Variants in SLC35D4 observed in about 807,000 individuals in gnomAD.
SLC35D4 encodes solute carrier family 35 member D4.
At chr18:23,256,891 C>T in the SLC35D4 span, among the ~76,000 whole-genome samples, 1 of 152,234 alleles carries the variant, frequency 6.6e-6, no homozygotes. Context: ...ACACATGTGA[C>T]CCTGGCTAAG....
At chr18:23,420,266 G>T in the SLC35D4 span, among the ~76,000 whole-genome samples, 2 of 152,128 alleles carry the variant, frequency 1.3e-5, no homozygotes, top group African/African-American at 4.8e-5. Flanking sequence ...TTGCGCCATT[G>T]CACTCCAGCC....
chr18:23,352,434 G>T, the SLC35D4 span: 1 of 546,698 alleles, frequency 1.8e-6, no homozygotes, highest in Non-Finnish European at 2.9e-6. Context: ...GTGATCTCTG[G>T]ATGAAAATAA....
the SLC35D4 span, among the ~76,000 whole-genome samples, chr18:23,411,481 GATAGAAAGAAAGAAAGAAAGAA>G: frequency 8.2e-6 from 1 of 121,732 alleles, no homozygotes; most frequent in Non-Finnish European, 1.7e-5. Context: ...GAAAGAAAGA[GATAGAAAGAAAGAAAGAAAGAA>G]AGAAAGAAAG....
chr18:23,281,067 C>T, the SLC35D4 span, among the ~76,000 whole-genome samples: 3 of 152,274 alleles, frequency 2.0e-5, no homozygotes, highest in South Asian at 4.2e-4. Context: ...ATGAAATCTC[C>T]AGAACAGGCC....
chr18:23,351,510 T>C, the SLC35D4 span, among the ~76,000 whole-genome samples: 1 of 152,190 alleles, frequency 6.6e-6, no homozygotes, highest in Admixed American at 6.5e-5. Flanking sequence ...AGGTTTTTTT[T>C]CTGGAGAAAC....
chr18:23,316,513 T>C, the SLC35D4 span, among the ~76,000 whole-genome samples: 2 of 152,240 alleles, frequency 1.3e-5, no homozygotes, highest in African/African-American at 2.4e-5. Context: ...AGGGTAATTA[T>C]TAACAAGGGA....
the SLC35D4 span, among the ~76,000 whole-genome samples, chr18:23,409,226 T>A: frequency 6.6e-6 from 1 of 152,190 alleles, no homozygotes; most frequent in Non-Finnish European, 1.5e-5. Flanking sequence ...ATAATTACAA[T>A]GTCACTATCC....
chr18:23,375,681 G>A, the SLC35D4 span, among the ~76,000 whole-genome samples: 2 of 152,172 alleles, frequency 1.3e-5, no homozygotes, highest in Non-Finnish European at 2.9e-5. Flanking sequence ...GCTGAAAATG[G>A]CTGAAGCTGG....
At chr18:23,340,201 G>GACAA in the SLC35D4 span, among the ~76,000 whole-genome samples, 1 of 152,126 alleles carries the variant, frequency 6.6e-6, no homozygotes, top group Non-Finnish European at 1.5e-5. Flanking sequence ...GCCTGGCATG[G>GACAA]TGGTGCGTGC....
chr18:23,293,126 C>T, the SLC35D4 span, among the ~76,000 whole-genome samples: 1 of 152,178 alleles, frequency 6.6e-6, no homozygotes, highest in Admixed American at 6.5e-5. Context: ...TGCCTGTAAT[C>T]CCAGCTACTT....
chr18:23,251,445 C>A, the SLC35D4 span, among the ~76,000 whole-genome samples: 1 of 151,468 alleles, frequency 6.6e-6, no homozygotes, highest in African/African-American at 2.4e-5. Context: ...AGCATGACTC[C>A]GTCTCAAAAA....
At chr18:23,366,959 T>C in the SLC35D4 span, among the ~76,000 whole-genome samples, 1 of 152,204 alleles carries the variant, frequency 6.6e-6, no homozygotes, top group Non-Finnish European at 1.5e-5. Context: ...ATAGGCTAAG[T>C]CTTTGCTTCC....
chr18:23,361,568 C>A, the SLC35D4 span, among the ~76,000 whole-genome samples: 3 of 152,152 alleles, frequency 2.0e-5, no homozygotes, highest in Non-Finnish European at 4.4e-5. Context: ...GACCCCACCT[C>A]AGCTAGCAGG....
chr18:23,252,350 T>C, the SLC35D4 span, among the ~76,000 whole-genome samples: 2 of 152,118 alleles, frequency 1.3e-5, no homozygotes, highest in African/African-American at 4.8e-5. Flanking sequence ...CGCCTAGAAA[T>C]GGTTAAGATG....
chr18:23,340,493 C>A, the SLC35D4 span, among the ~76,000 whole-genome samples: 1 of 152,136 alleles, frequency 6.6e-6, no homozygotes, highest in African/African-American at 2.4e-5. Context: ...ACTCAGGCAC[C>A]AACCCAGCAC....
At chr18:23,284,077 T>C in the SLC35D4 span, among the ~76,000 whole-genome samples, 2 of 152,226 alleles carry the variant, frequency 1.3e-5, no homozygotes, top group African/African-American at 4.8e-5. Flanking sequence ...TTTAGCATGC[T>C]AATGTATTAT....
At chr18:23,303,314 G>A in the SLC35D4 span, among the ~76,000 whole-genome samples, 8 of 152,202 alleles carry the variant, frequency 5.3e-5, no homozygotes, top group Non-Finnish European at 1.0e-4. Flanking sequence ...CAAAGTCAAG[G>A]TTCCTTTTGC....
At chr18:23,298,182 A>T in the SLC35D4 span, 1 of 1,151,824 alleles carries the variant, frequency 8.7e-7, no homozygotes, top group South Asian at 1.3e-5. Flanking sequence ...GAGACTCATC[A>T]CCAGCCCGAA....
chr18:23,326,565 A>G, the SLC35D4 span, among the ~76,000 whole-genome samples: 1 of 152,206 alleles, frequency 6.6e-6, no homozygotes, highest in African/African-American at 2.4e-5. Context: ...GTCCTTAGAG[A>G]CCTACAAAGA....
Sources: gnomAD v4.1 joint callset for allele counts (sites outside exome capture counted in the v4.1 genomes callset) on GRCh38, gnomAD v4.1.1 for gene constraint, MANE v1.5 for transcripts, NCBI Gene and HGNC (gene_info 2026-07-23, HGNC 2026-07-21) for gene names.